The following HNRNPA1L3 variants were observed in gnomAD, a reference collection of about 807,000 sequenced individuals.
The protein encoded by HNRNPA1L3 is heterogeneous nuclear ribonucleoprotein A1-like 3.
the HNRNPA1L3 span, chr16:51,646,104 A>G: frequency 6.3e-7 from 1 of 1,596,210 alleles, no homozygotes; most frequent in Non-Finnish European, 8.5e-7. Flanking sequence ...GAAGATTCTC[A>G]AAGACCAGAT....
chr16:51,645,838 TA>T, the HNRNPA1L3 span: 1 of 1,606,336 alleles, frequency 6.2e-7, no homozygotes, highest in South Asian at 1.1e-5. Flanking sequence ...CAGAGTCTCC[TA>T]AAGAGCCCGA....
the HNRNPA1L3 span, chr16:51,646,546 C>T: frequency 1.9e-6 from 3 of 1,596,428 alleles, no homozygotes; most frequent in East Asian, 2.2e-5. Context: ...GTGGGGATGG[C>T]TATAATGGAT....
chr16:51,646,890 G>A, the HNRNPA1L3 span: 1 of 836,144 alleles, frequency 1.2e-6, no homozygotes, highest in Admixed American at 2.0e-5. Flanking sequence ...GGGCCTAGCT[G>A]CTACAAAGAA....
At chr16:51,646,688 G>T in the HNRNPA1L3 span, 4 of 1,598,468 alleles carry the variant, frequency 2.5e-6, no homozygotes, top group African/African-American at 1.3e-5. Context: ...CCCCCATGGC[G>T]GTGGAGGCCA....
At chr16:51,646,857 C>T in the HNRNPA1L3 span, 37 of 1,157,752 alleles carry the variant, frequency 3.2e-5, 1 homozygote, top group African/African-American at 3.3e-4. Flanking sequence ...GATTTGTGAA[C>T]TCAGCCAAGC....
chr16:51,645,878 T>C, the HNRNPA1L3 span: 9 of 1,606,814 alleles, frequency 5.6e-6, no homozygotes, highest in Admixed American at 1.7e-5. Flanking sequence ...CATTGGAGGG[T>C]TGAGCTTTGA....
the HNRNPA1L3 span, chr16:51,646,825 A>C: frequency 6.7e-7 from 1 of 1,492,218 alleles, no homozygotes; most frequent in Non-Finnish European, 9.2e-7. Context: ...GAGAAGTGAC[A>C]GGGAAGCTAC....
At chr16:51,646,629 C>T in the HNRNPA1L3 span, 1 of 1,596,820 alleles carries the variant, frequency 6.3e-7, no homozygotes, top group South Asian at 1.1e-5. Context: ...AATCAGTCTT[C>T]AAATTTTGGA....
the HNRNPA1L3 span, chr16:51,645,763 T>A: frequency 3.7e-6 from 6 of 1,605,862 alleles, no homozygotes; most frequent in Non-Finnish European, 5.1e-6. Context: ...TTTTCCTTTC[T>A]GCCCTTGGAC....
chr16:51,646,178 C>A, the HNRNPA1L3 span: 229 of 1,586,934 alleles, frequency 1.4e-4, no homozygotes, highest in Non-Finnish European at 1.8e-4. Context: ...AGAACATCAC[C>A]TAAGAGATTA....
the HNRNPA1L3 span, chr16:51,646,701 A>G: frequency 6.3e-7 from 1 of 1,598,754 alleles, no homozygotes; most frequent in Non-Finnish European, 8.5e-7. Flanking sequence ...GGAGGCCAAT[A>G]CTTTGCAAAA....
At chr16:51,646,248 A>G in the HNRNPA1L3 span, 1 of 1,596,722 alleles carries the variant, frequency 6.3e-7, no homozygotes, top group Non-Finnish European at 8.5e-7. Flanking sequence ...GGCAGTGGCA[A>G]GAAAAGGGGC....
the HNRNPA1L3 span, chr16:51,646,773 G>T: frequency 1.6e-4 from 257 of 1,594,432 alleles, no homozygotes; most frequent in Admixed American, 2.7e-4. Flanking sequence ...AGTGGCAGAA[G>T]ATTTTAATTA....
chr16:51,646,838 G>A, the HNRNPA1L3 span: 1 of 1,418,636 alleles, frequency 7.0e-7, no homozygotes, highest in Non-Finnish European at 9.8e-7. Context: ...GAAGCTACAG[G>A]TTACAACAGA....
chr16:51,646,735 C>A, the HNRNPA1L3 span: 7 of 1,597,896 alleles, frequency 4.4e-6, no homozygotes, highest in South Asian at 1.1e-5. Flanking sequence ...GTGGCTATGG[C>A]GGTTCCAGCA....
chr16:51,646,089 C>A, the HNRNPA1L3 span: 14 of 1,595,432 alleles, frequency 8.8e-6, no homozygotes, highest in Middle Eastern at 2.1e-4. Context: ...AGAGCTGTCT[C>A]CAGAGAAGAT....
chr16:51,647,062 G>A, the HNRNPA1L3 span: 1 of 429,700 alleles, frequency 2.3e-6, no homozygotes, highest in Non-Finnish European at 4.2e-6. Context: ...ACCCCATGCT[G>A]TTGATTGCTA....
chr16:51,645,819 T>C, the HNRNPA1L3 span: 56 of 1,607,800 alleles, frequency 3.5e-5, no homozygotes, highest in East Asian at 9.8e-4. Flanking sequence ...CCTGCCGTCA[T>C]GTCTAAGTCA....
the HNRNPA1L3 span, chr16:51,646,216 G>T: frequency 6.3e-7 from 1 of 1,596,302 alleles, no homozygotes; most frequent in African/African-American, 1.3e-5. Context: ...AAATTGAAGT[G>T]ATTGAAATCA....
Sources: allele counts gnomAD v4.1 joint callset, GRCh38; gene constraint gnomAD v4.1.1; transcripts MANE v1.5; gene names NCBI Gene and HGNC (gene_info 2026-07-23, HGNC 2026-07-21).